The following SAG variants were observed in gnomAD, a reference collection of about 807,000 sequenced individuals.
SAG encodes the protein S-antigen visual arrestin.
A neutral mutation model predicts 55.0 loss-of-function variants in SAG; 45 were observed. The ratio of observed to expected loss-of-function variants is 0.82; its 90% CI spans 0.64 to 1.05. The LOEUF (loss-of-function observed/expected upper bound fraction) is 1.05, where lower values mean the gene tolerates loss of function less well. SAG is among the 50% of genes least tolerant of loss of function. The probability of loss-of-function intolerance (pLI) is 0.00; values close to 1 mark genes in which losing one functional copy is unlikely to be tolerated. For missense variants in SAG, 455 were observed against 512.1 expected (o/e 0.89, Z 1.08); for synonymous variants, 189 against 197.4 (o/e 0.96, Z 0.36).
At chr2:233,326,562 G>A (rs1700561880) in intron 6 of SAG, among the ~76,000 whole-genome samples, 1 of 151,312 alleles carries the variant, frequency 6.6e-6, no homozygotes, top group African/African-American at 2.4e-5. Flanking sequence ...CTCCAGCCTG[G>A]GCAACAGAGC....
chr2:233,325,514 G>A lies in SAG; in HGVS notation c.436-1607G>A, dbSNP rs571801467. On this transcript the variant is annotated intron_variant, in intron 6 of 15. Transcript: ENST00000409110. The stretch of plus-strand genomic sequence containing the variant: ...AATCCAACTTTCAGAACATCTCGAA[G>A]CTAGTGGTCCAGGACAATGGGGTGG... Among the ~76,000 whole-genome samples the A allele has an allele frequency of 2.6e-4, 40 of 152,178 alleles. No homozygotes were observed. The South Asian group carries it at 2.7e-3, about 10-fold the overall frequency.
At chr2:233,321,895 C>T (rs1700389784) in intron 5 of SAG, among the ~76,000 whole-genome samples, 1 of 151,804 alleles carries the variant, frequency 6.6e-6, no homozygotes, top group South Asian at 2.1e-4. Flanking sequence ...TATGTCAACA[C>T]GTATTGAAAG....
Position 233,318,221 on chromosome 2 carries a change from G to A in SAG, c.137-530G>A, listed in dbSNP as rs1648568995. On this transcript the variant is annotated intron_variant, in intron 3 of 15. Coordinates refer to ENST00000409110, the MANE Select transcript of SAG (RefSeq NM_000541.5). ...GCTCTATTACCCAGGCTGGAGTGCA[G>A]TGGCATGATCATGGCTCACTGCAGC... Among the ~76,000 whole-genome samples the A allele has an allele frequency of 4.6e-5, 7 of 152,272 alleles. No individual in the cohort carries two copies. In the South Asian group the frequency reaches 1.5e-3, roughly 32 times the overall value.
chr2:233,329,771 C>G (rs974382776), intron 9 of SAG, among the ~76,000 whole-genome samples, 194 bp downstream of exon 9: 2 of 152,228 alleles, frequency 1.3e-5, no homozygotes, highest in South Asian at 4.1e-4. Context: ...TTCCTGCCCA[C>G]TTACGGCTGG....
chr2:233,316,087 C>T lies in SAG; in HGVS notation c.88C>T (p.Leu30=), dbSNP rs758926241. ...ISRDKSVTIY[L]GNRDYIDHVS... ...GTTCTTCTTGCAGGTGACCATCTAC[C>T]TGGGGAACAGAGACTACATAGACCA... is the stretch of plus-strand genomic sequence containing the variant. The change falls in exon 3 of 16, where the codon CTG becomes TTG. Residue 30 remains leucine (L), a synonymous_variant. Transcript: ENST00000409110. The T allele has an allele frequency of 1.9e-6, 3 of 1,594,060 alleles. No homozygotes were observed. The highest frequency in any genetic ancestry group is 3.4e-5 in the Admixed American group (2 of 58,068).
In SAG at chr2:233,328,519, C is replaced by T. The variant is rs1230484361; in HGVS notation, c.554C>T (p.Pro185Leu). 12 of 1,613,838 alleles carry T rather than the reference C, an allele frequency of 7.4e-6. No homozygotes were observed. Among genetic ancestry groups the T allele is most frequent in the Non-Finnish European group, 7.6e-6 (9 of 1,179,852 alleles). The change falls in exon 8 of 16, where the codon CCA becomes CTA. Residue 185 changes from proline (P) to leucine (L), a missense_variant. Physicochemically the swap from Pro to Leu is moderately conservative, Grantham distance 98. Coordinates refer to ENST00000409110, the MANE Select transcript of SAG (RefSeq NM_000541.5). ...CTGATCCGCAAAGTACAGCATGCCC[C>T]ACTTGAGATGGGTCCCCAGCCCCGA... ...RLLIRKVQHA[P>L]LEMGPQPRAE...
intron 13 of SAG, among the ~76,000 whole-genome samples, chr2:233,341,324 G>C (rs935385029): frequency 5.3e-5 from 8 of 152,198 alleles, no homozygotes; most frequent in African/African-American, 1.9e-4. Context: ...CTGAGATGAT[G>C]CAGTACATAA....
intron 2 of SAG, among the ~76,000 whole-genome samples, chr2:233,309,535 C>T (rs150586005): frequency 0.021 from 3,245 of 152,262 alleles, 47 homozygotes; most frequent in South Asian, 0.036. Context: ...TAATCCCAGA[C>T]TTGGGAGGCT....
chr2:233,333,609 A>G (rs1375029001), intron 10 of SAG: 1 of 152,210 alleles, frequency 6.6e-6, no homozygotes, highest in Admixed American at 6.5e-5. Flanking sequence ...CTGACTCCCA[A>G]GCTGCTCCCC....
Position 233,315,947 on chromosome 2 carries a change from G to A in SAG, c.76-128G>A, listed in dbSNP as rs542034708. 8.4e-4 allele frequency: 525 copies of A among 627,972 alleles called. 5 individuals are homozygous for A. Among genetic ancestry groups the A allele is most frequent in the South Asian group, 1.8e-3 (100 of 55,022 alleles). 38.9% of individuals were successfully genotyped at this position (627,972 alleles called of 1,614,324 possible). On this transcript the variant is annotated intron_variant, in intron 2 of 15. Transcript: ENST00000409110. ...AAACTCCTGACCTCGTGATCCGCCC[G>A]CCTTGGCCTCCCAAAGTGCTAAGAT...
Position 233,340,327 on chromosome 2 carries a change from G to T in SAG, c.1023-128G>T, listed in dbSNP as rs926743688. On this transcript the variant is annotated intron_variant, in intron 12 of 15. Coordinates refer to ENST00000409110, the MANE Select transcript of SAG (RefSeq NM_000541.5). The surrounding 1 kb of genome is among the most constrained non-coding windows in gnomAD (Gnocchi z 4.2). The stretch of plus-strand genomic sequence containing the variant: ...GAAGTTGAACATTAAGGGATGGGAA[G>T]ACCCTGGATGTTGTGAGTTCGGGTG... 9 of 715,078 alleles carry T rather than the reference G, an allele frequency of 1.3e-5. No individual in the cohort carries two copies. The highest frequency in any genetic ancestry group is 2.2e-5 in the Non-Finnish European group (9 of 402,826). 44.3% of individuals were successfully genotyped at this position (715,078 alleles called of 1,614,324 possible). A position where few individuals can be genotyped will look rare whatever the true frequency, so the allele number is the denominator to read the frequency against.
At chr2:233,327,428 G>T (rs1183778729) in intron 7 of SAG, 6 of 400,910 alleles carry the variant, frequency 1.5e-5, no homozygotes, top group Non-Finnish European at 2.3e-5. Context: ...GCCCCGAAAA[G>T]CTCCCGGGTT....
chr2:233,331,441 AT>A (rs1430415305), intron 9 of SAG, 198 bp from the exon 10 acceptor site: 2 of 637,482 alleles, frequency 3.1e-6, no homozygotes, highest in Admixed American at 2.7e-5. Context: ...AGAGCAGGTT[AT>A]GGGTGACCAG....
chr2:233,341,467 A>G (rs1701100726), intron 13 of SAG, among the ~76,000 whole-genome samples: 1 of 152,274 alleles, frequency 6.6e-6, no homozygotes, highest in African/African-American at 2.4e-5. Flanking sequence ...TGGGATAAAC[A>G]AAATGTGGTA....
intron 2 of SAG, among the ~76,000 whole-genome samples, chr2:233,311,024 A>G (rs531984889): frequency 2.0e-5 from 3 of 152,302 alleles, no homozygotes; most frequent in East Asian, 3.9e-4. Context: ...TTCTGGCTGA[A>G]GAGGAAACCA....
intron 7 of SAG, chr2:233,327,709 A>AT (rs545942716): frequency 0.12 from 16,806 of 145,090 alleles, 1,556 homozygotes; most frequent in African/African-American, 0.26. Flanking sequence ...CGCCTGGCTA[A>AT]TTTTTTTTTT....
chr2:233,320,783 T>C lies in SAG; in HGVS notation c.335T>C (p.Leu112Pro), dbSNP rs754704161. Residue 112 changes from leucine to proline, a missense_variant, in exon 5 of 16, where the codon CTT becomes CCT. Transcript: ENST00000409110. ...STPTKLQESL[L>P]KKLGSNTYPF... ...CCCACAAAACTGCAAGAGAGCCTGC[T>C]TAAAAAGCTGGGGAGCAACACGTAC... is the stretch of plus-strand genomic sequence containing the variant. 7.5e-6 allele frequency: 12 copies of C among 1,605,232 alleles called. No individual in the cohort carries two copies. The highest frequency in any genetic ancestry group is 1.0e-5 in the Non-Finnish European group (12 of 1,176,022).
intron 2 of SAG, among the ~76,000 whole-genome samples, chr2:233,315,669 GA>G (rs1322328351): frequency 1.3e-5 from 2 of 151,110 alleles, no homozygotes; most frequent in African/African-American, 4.9e-5. Context: ...CATGCAAATG[GA>G]TGGCAAAAGT....
intron 3 of SAG, among the ~76,000 whole-genome samples, chr2:233,318,342 T>A (rs1186811879): frequency 1.3e-5 from 2 of 151,972 alleles, no homozygotes; most frequent in Non-Finnish European, 2.9e-5. Flanking sequence ...TTTTTTTTTT[T>A]TGTTTTTTTA....
Sources: gnomAD v4.1 joint callset for allele counts (sites outside exome capture counted in the v4.1 genomes callset) on GRCh38, gnomAD v4.1.1 for gene constraint, Gnocchi (gnomAD v3.1) non-coding constraint, MANE v1.5 for transcripts, NCBI Gene and HGNC (gene_info 2026-07-23, HGNC 2026-07-21) for gene names.